The following FBXO16 variants were observed in gnomAD, a reference collection of about 807,000 sequenced individuals.
FBXO16 encodes the protein F-box protein 16.
A neutral mutation model predicts 41.0 loss-of-function variants in FBXO16; 31 were observed. That is an observed-to-expected ratio of 0.76 (90% confidence interval 0.57 to 1.02). The LOEUF (loss-of-function observed/expected upper bound fraction) is 1.02, where lower values mean the gene tolerates loss of function less well. Ranked by LOEUF, FBXO16 falls within the 50% of genes least tolerant of loss-of-function variation. The pLI is 0.00. For missense variants in FBXO16, 361 were observed against 346.2 expected (o/e 1.04, Z -0.34); for synonymous variants, 133 against 117.8 (o/e 1.13, Z -0.84).
chr8:28,451,495 G>A (rs1165392883), intron 6 of FBXO16, among the ~76,000 whole-genome samples: 2 of 150,660 alleles, frequency 1.3e-5, no homozygotes, highest in African/African-American at 4.9e-5. Flanking sequence ...AAAGTGCCAT[G>A]ATTACCGACA....
chr8:28,465,800 G>GTTATT (rs869046829), intron 3 of FBXO16, among the ~76,000 whole-genome samples: 1 of 147,248 alleles, frequency 6.8e-6, no homozygotes, highest in African/African-American at 2.7e-5. Context: ...TTTTGTTGTT[G>GTTATT]TTGTTTTGTT....
chr8:28,465,484 G>A (rs1803221527), intron 3 of FBXO16: 1 of 427,092 alleles, frequency 2.3e-6, no homozygotes, highest in Non-Finnish European at 4.7e-6. Flanking sequence ...GTATGGTGGT[G>A]TACGCCTGTG....
At chr8:28,471,442 CCTCT>C (rs947175412) in intron 3 of FBXO16, among the ~76,000 whole-genome samples, 4 of 145,032 alleles carry the variant, frequency 2.8e-5, no homozygotes, top group Non-Finnish European at 4.4e-5. Context: ...CTCCTTCCTT[CCTCT>C]CTCTTTCTTT....
At chr8:28,462,570 G>A (rs1450153510) in intron 4 of FBXO16, among the ~76,000 whole-genome samples, 5 of 152,082 alleles carry the variant, frequency 3.3e-5, no homozygotes, top group African/African-American at 1.2e-4. Flanking sequence ...GAGCCACCGC[G>A]CCCGGCCCCG....
chr8:28,478,850 C>T (rs1803464590), intron 2 of FBXO16, among the ~76,000 whole-genome samples: 1 of 150,762 alleles, frequency 6.6e-6, no homozygotes, highest in South Asian at 2.1e-4. Context: ...AAATTGTAAT[C>T]CCCTATGTTG....
chr8:28,447,538 C>A (rs1802884618), intron 6 of FBXO16: 2 of 395,126 alleles, frequency 5.1e-6, no homozygotes, highest in Non-Finnish European at 4.7e-6. Flanking sequence ...TATACTGTTA[C>A]ATTAAGAAAG....
chr8:28,448,033 G>A (rs1375559770), intron 6 of FBXO16, among the ~76,000 whole-genome samples: 1 of 152,114 alleles, frequency 6.6e-6, no homozygotes, highest in African/African-American at 2.4e-5. Context: ...ATTCCCATGT[G>A]AACTGATCAA....
chr8:28,454,092 G>T (rs570148836), intron 5 of FBXO16, among the ~76,000 whole-genome samples: 3 of 151,958 alleles, frequency 2.0e-5, no homozygotes, highest in East Asian at 3.9e-4. Flanking sequence ...CTTGAACTCC[G>T]GAGGCAGAGG....
intron 7 of FBXO16, among the ~76,000 whole-genome samples, chr8:28,433,582 C>A (rs1052639763): frequency 6.6e-6 from 1 of 152,202 alleles, no homozygotes; most frequent in Non-Finnish European, 1.5e-5. Context: ...CGGAAGCTCT[C>A]CCCTGTAGCC....
At chr8:28,441,154 C>T (rs534030767) in intron 7 of FBXO16, among the ~76,000 whole-genome samples, 4 of 152,216 alleles carry the variant, frequency 2.6e-5, no homozygotes, top group East Asian at 3.9e-4. Flanking sequence ...GTATCTAATA[C>T]TGTTCCCGCC....
rs369735206 is a variant in FBXO16 at position 28,487,938 on chromosome 8, C to T, written c.-17+2248G>A. On this transcript the variant is annotated intron_variant, in intron 1 of 8. Coordinates refer to ENST00000380254, the MANE Select transcript of FBXO16 (RefSeq NM_172366.4). ...CACAAACTCGGCTCACCACAACCTC[C>T]GCCTCCCAGGTTCAAGCAATCCTCC... is the stretch of plus-strand genomic sequence containing the variant. Among the ~76,000 whole-genome samples the T allele has an allele frequency of 3.1e-3, 476 of 151,870 alleles. 2 individuals are homozygous for T. Among genetic ancestry groups the T allele is most frequent in the African/African-American group, 0.011 (458 of 41,412 alleles).
At chr8:28,441,912 G>A (rs867130890) in intron 7 of FBXO16, among the ~76,000 whole-genome samples, 7 of 107,640 alleles carry the variant, frequency 6.5e-5, no homozygotes, top group African/African-American at 1.1e-4. Flanking sequence ...ATATATATAT[G>A]TGTGTGTGTG....
At position 28,428,673 on chromosome 8, in the gene FBXO16, A is replaced by T. The variant is rs2130064276; in HGVS notation, c.*54T>A. ...GTGGCAGTGTCTGGGAGTCCCACTG[A>T]CTCAGGGGGAGGCCAGGCGAGATGA... On this transcript the variant is annotated 3_prime_UTR_variant, in exon 9 of 9. Coordinates refer to ENST00000380254, the MANE Select transcript of FBXO16 (RefSeq NM_172366.4). 4 of 1,571,274 alleles carry T rather than the reference A, an allele frequency of 2.5e-6. No individual in the cohort carries two copies. The highest frequency in any genetic ancestry group is 3.5e-6 in the Non-Finnish European group (4 of 1,158,698).
At chr8:28,469,315 GAA>G (rs78348990) in intron 3 of FBXO16, among the ~76,000 whole-genome samples, 2 of 140,582 alleles carry the variant, frequency 1.4e-5, no homozygotes, top group Non-Finnish European at 1.6e-5. Context: ...CCCTGCCTCA[GAA>G]AAAAAAAAAA....
At chr8:28,481,650 A>T (rs1803514814) in intron 2 of FBXO16, among the ~76,000 whole-genome samples, 2 of 151,980 alleles carry the variant, frequency 1.3e-5, no homozygotes, top group South Asian at 4.2e-4. Context: ...TCTCCACTAA[A>T]AATACAAAAA....
chr8:28,487,094 G>A (rs926919567), intron 1 of FBXO16, among the ~76,000 whole-genome samples: 3 of 152,108 alleles, frequency 2.0e-5, no homozygotes, highest in Admixed American at 1.3e-4. Flanking sequence ...TCCCCCAAGC[G>A]CCTGCACTGG....
chr8:28,432,728 A>G (rs1223890007), intron 7 of FBXO16, among the ~76,000 whole-genome samples: 1 of 152,160 alleles, frequency 6.6e-6, no homozygotes, highest in East Asian at 1.9e-4. Flanking sequence ...CATGCCGTCC[A>G]TCAGCATTCC....
chr8:28,460,223 G>GTATATATATA (rs1408340610), intron 4 of FBXO16, among the ~76,000 whole-genome samples: 64 of 89,772 alleles, frequency 7.1e-4, no homozygotes, highest in East Asian at 4.5e-3. Flanking sequence ...ATATATGTGT[G>GTATATATATA]TGTATATATA....
intron 6 of FBXO16, 80 bp downstream of exon 6, chr8:28,452,163 AT>A: frequency 7.5e-7 from 1 of 1,338,122 alleles, no homozygotes; most frequent in Non-Finnish European, 1.0e-6. Flanking sequence ...AGTAAGTTCT[AT>A]TTCCATCTCT....
Sources: gnomAD v4.1 joint callset for allele counts (sites outside exome capture counted in the v4.1 genomes callset) on GRCh38, gnomAD v4.1.1 for gene constraint, MANE v1.5 for transcripts, NCBI Gene and HGNC (gene_info 2026-07-23, HGNC 2026-07-21) for gene names.